CNTNAP3B: variants seen among roughly 807,000 people sequenced by gnomAD.
CNTNAP3B encodes the protein contactin-associated protein-like 3B.
CNTNAP3B carries 25 observed loss-of-function variants against 108.9 expected under a neutral mutation model. That is an observed-to-expected ratio of 0.23 (90% confidence interval 0.17 to 0.32). CNTNAP3B has a LOEUF of 0.32. Among genes scored for constraint, CNTNAP3B ranks in the 10% least tolerant of loss-of-function variants. The pLI, the probability that CNTNAP3B is intolerant of heterozygous loss-of-function variation, is 1.00. For missense variants in CNTNAP3B, 252 were observed against 1,210.4 expected (o/e 0.21, Z 11.75); for synonymous variants, 103 against 473.4 (o/e 0.22, Z 10.16).
intron 11 of CNTNAP3B, among the ~76,000 whole-genome samples, chr9:41,961,105 A>G (rs1188456548): frequency 6.6e-6 from 1 of 152,306 alleles, no homozygotes; most frequent in Non-Finnish European, 1.5e-5. Context: ...AAAATTACCT[A>G]GTCAAAATAC....
chr9:42,075,835 A>AATT (rs1587251278), intron 3 of CNTNAP3B, among the ~76,000 whole-genome samples: 1 of 46,716 alleles, frequency 2.1e-5, no homozygotes, highest in Non-Finnish European at 5.1e-5. Flanking sequence ...TGTAATAAAT[A>AATT]CTTATTATTA....
rs1827506112 is a variant in CNTNAP3B at position 42,076,979 on chromosome 9, C to A, written c.280G>T (p.Val94Phe). ...DLGERMEVTA[V>F]ATQGGYGSSD... ...CTCCCATATCCTCCTTGGGTGGCGA[C>A]AGCAGTGACCTCCATTCTCTCTCCA... The change falls in exon 3 of 24, where the codon GTC becomes TTC. Residue 94 changes from valine to phenylalanine, a missense_variant. Transcript: ENST00000377561. 6 of 1,522,794 alleles carry A rather than the reference C, an allele frequency of 3.9e-6. No individual in the cohort carries two copies. Among genetic ancestry groups the A allele is most frequent in the Non-Finnish European group, 5.3e-6 (6 of 1,130,558 alleles). 94.3% of individuals were successfully genotyped at this position (1,522,794 alleles called of 1,614,324 possible).
At chr9:41,934,140 T>TACACAC (rs1313208567) in intron 14 of CNTNAP3B, among the ~76,000 whole-genome samples, 1 of 113,374 alleles carries the variant, frequency 8.8e-6, no homozygotes, top group Admixed American at 9.3e-5. Flanking sequence ...CATATATATA[T>TACACAC]ACACACACAT....
intron 3 of CNTNAP3B, among the ~76,000 whole-genome samples, chr9:42,073,771 T>C (rs1218374034): frequency 6.8e-6 from 1 of 146,152 alleles, no homozygotes; most frequent in Non-Finnish European, 1.5e-5. Context: ...ATTTGCTTAT[T>C]TACTAAAAGA....
At chr9:41,940,719 G>A (rs1337554059) in intron 13 of CNTNAP3B, among the ~76,000 whole-genome samples, 2,622 of 148,182 alleles carry the variant, frequency 0.018, 13 homozygotes, top group East Asian at 0.17. Flanking sequence ...GGAGGCTGAG[G>A]CAGGAGAATG....
At chr9:41,930,909 C>A (rs1481070515) in intron 14 of CNTNAP3B, among the ~76,000 whole-genome samples, 1 of 152,318 alleles carries the variant, frequency 6.6e-6, no homozygotes, top group East Asian at 1.9e-4. Flanking sequence ...AATAATATTG[C>A]ATATATGCAT....
intron 20 of CNTNAP3B, chr9:41,906,484 GA>G (rs1823399699): frequency 6.7e-6 from 1 of 148,842 alleles, no homozygotes; most frequent in African/African-American, 2.5e-5. Context: ...TTTATAATCG[GA>G]ATAAGACAAG....
At position 42,106,965 on chromosome 9, in the gene CNTNAP3B, GA is replaced by G. The variant is rs1204852100; in HGVS notation, c.86-2227del. On this transcript the variant is annotated intron_variant, in intron 1 of 23. Coordinates refer to ENST00000377561, the MANE Select transcript of CNTNAP3B (RefSeq NM_001201380.3). ...TTGGATAAAATCTCTTCCTACATTA[GA>G]AAAGCATGATAGCTGTTCTCATGAT... Among the ~76,000 whole-genome samples, 2 of 87,610 alleles carry G rather than the reference GA, an allele frequency of 2.3e-5. 1 individual carries two copies. The highest frequency in any genetic ancestry group is 4.7e-5 in the Non-Finnish European group (2 of 42,724). 57.5% of individuals were successfully genotyped at this position (87,610 alleles called of 152,430 possible).
At chr9:41,967,645 T>C (rs1395844347) in intron 10 of CNTNAP3B, among the ~76,000 whole-genome samples, 1 of 152,292 alleles carries the variant, frequency 6.6e-6, no homozygotes, top group Non-Finnish European at 1.5e-5. Context: ...TTTCAAAACT[T>C]TATGTAAAGG....
chr9:41,927,545 G>A (rs1290538747), intron 15 of CNTNAP3B, among the ~76,000 whole-genome samples: 1 of 151,680 alleles, frequency 6.6e-6, no homozygotes, highest in Non-Finnish European at 1.5e-5. Context: ...GAAAGAGGGA[G>A]GGAGGGAGGG....
In CNTNAP3B at chr9:42,086,397, A is replaced by T. The variant is rs1169875094; in HGVS notation, c.197-9335T>A. On this transcript the variant is annotated intron_variant, in intron 2 of 23. Transcript: ENST00000377561. ...TGCTATGAATATATATATATATATA[A>T]ATTTTTTTTACATTTTTTACATTTT... Among the ~76,000 whole-genome samples, 7 of 133,470 alleles carry T rather than the reference A, an allele frequency of 5.2e-5. 1 individual carries two copies. Among genetic ancestry groups the T allele is most frequent in the South Asian group, 2.4e-4 (1 of 4,188 alleles). The allele number at this position is 133,470 out of a possible 152,430, so 87.6% of individuals were successfully genotyped here.
intron 11 of CNTNAP3B, among the ~76,000 whole-genome samples, chr9:41,961,220 G>A: frequency 6.6e-6 from 1 of 152,422 alleles, no homozygotes. Flanking sequence ...ACATGAAGAT[G>A]TGCTTACAGT....
intron 3 of CNTNAP3B, among the ~76,000 whole-genome samples, chr9:42,042,210 T>A (rs1826776181): frequency 9.7e-6 from 1 of 103,288 alleles, no homozygotes; most frequent in Non-Finnish European, 2.1e-5. Context: ...TGTACACATG[T>A]ACCCTAGAAC....
At chr9:41,988,701 G>C (rs1825755050) in intron 8 of CNTNAP3B, among the ~76,000 whole-genome samples, 1 of 133,798 alleles carries the variant, frequency 7.5e-6, no homozygotes. Flanking sequence ...GAATAAGCCA[G>C]TTTTACATTA....
At chr9:41,926,464 T>G (rs1176141254) in intron 15 of CNTNAP3B, among the ~76,000 whole-genome samples, 14 of 152,270 alleles carry the variant, frequency 9.2e-5, no homozygotes. Flanking sequence ...ATTAATCAAT[T>G]TATTTATTTA....
intron 9 of CNTNAP3B, among the ~76,000 whole-genome samples, chr9:41,983,069 C>T (rs1488258071): frequency 1.6e-5 from 2 of 123,578 alleles, no homozygotes; most frequent in African/African-American, 3.3e-5. Flanking sequence ...GGGTGAAGAT[C>T]GAAAAACTAC....
chr9:42,110,341 G>A (rs1469426197), intron 1 of CNTNAP3B, among the ~76,000 whole-genome samples: 3 of 137,014 alleles, frequency 2.2e-5, no homozygotes, highest in Admixed American at 7.3e-5. Flanking sequence ...TCCTCACTGT[G>A]AAAGGAGCTA....
chr9:41,928,024 A>G (rs1823867731), intron 15 of CNTNAP3B, among the ~76,000 whole-genome samples: 1 of 151,808 alleles, frequency 6.6e-6, no homozygotes, highest in Non-Finnish European at 1.5e-5. Context: ...TTCGGTCAAA[A>G]TAAGCATATT....
chr9:41,919,369 C>T (rs540972936), intron 18 of CNTNAP3B, among the ~76,000 whole-genome samples: 8 of 151,818 alleles, frequency 5.3e-5, no homozygotes, highest in South Asian at 2.1e-4. Flanking sequence ...CTGCCTTGGC[C>T]TCCCAAAGTG....
Sources: allele counts gnomAD v4.1 joint callset (sites outside exome capture counted in the v4.1 genomes callset), GRCh38; gene constraint gnomAD v4.1.1; transcripts MANE v1.5; gene names NCBI Gene and HGNC (gene_info 2026-07-23, HGNC 2026-07-21).